KLHDC1: variants seen among roughly 807,000 people sequenced by gnomAD.
KLHDC1 encodes the protein kelch domain-containing protein 1.
A neutral mutation model predicts 68.3 loss-of-function variants in KLHDC1; 53 were observed. The ratio of observed to expected loss-of-function variants is 0.78; its 90% CI spans 0.62 to 0.98. KLHDC1 has a LOEUF of 0.98. Among genes scored for constraint, KLHDC1 ranks in the 50% least tolerant of loss-of-function variants. The pLI is 0.00. For synonymous variants in KLHDC1, 148 were observed against 159.0 expected, an observed-to-expected ratio of 0.93 and a Z score of 0.52; for missense variants, 470 against 492.3, an observed-to-expected ratio of 0.95 and a Z score of 0.43.
chr14:49,729,736 A>G (rs980119936), intron 8 of KLHDC1, among the ~76,000 whole-genome samples, 188 bp downstream of exon 8: 2 of 152,226 alleles, frequency 1.3e-5, no homozygotes, highest in Admixed American at 1.3e-4. Context: ...ACATGAAAAT[A>G]CTAACAGTTG....
intron 1 of KLHDC1, chr14:49,707,649 T>TC (rs1888091657): frequency 6.9e-6 from 1 of 144,742 alleles, no homozygotes; most frequent in Non-Finnish European, 1.5e-5. Flanking sequence ...CCTGGCCCTT[T>TC]TTTTTTTTTT....
At chr14:49,733,073 C>T (rs1357637047) in intron 9 of KLHDC1, among the ~76,000 whole-genome samples, 1 of 152,158 alleles carries the variant, frequency 6.6e-6, no homozygotes, top group African/African-American at 2.4e-5. Context: ...CTACTATATT[C>T]TGTGATTCTG....
chr14:49,747,039 C>T (rs113413054), intron 12 of KLHDC1, among the ~76,000 whole-genome samples: 13,034 of 151,704 alleles, frequency 0.086, 751 homozygotes, highest in Non-Finnish European at 0.13. Context: ...CTCCACCTCC[C>T]GGGTTCACGC....
chr14:49,727,196 G>A (rs1034380444), intron 6 of KLHDC1, among the ~76,000 whole-genome samples: 2 of 151,892 alleles, frequency 1.3e-5, no homozygotes, highest in African/African-American at 2.4e-5. Context: ...TGCAGTGAGC[G>A]GAGATTGCTC....
At chr14:49,722,266 A>G (rs1888546893) in intron 4 of KLHDC1, among the ~76,000 whole-genome samples, 1 of 152,158 alleles carries the variant, frequency 6.6e-6, no homozygotes, top group Non-Finnish European at 1.5e-5. Context: ...TCCTAAGGCT[A>G]TCCCCGACCC....
chr14:49,717,372 T>A (rs1312756891), intron 4 of KLHDC1, among the ~76,000 whole-genome samples: 1 of 152,160 alleles, frequency 6.6e-6, no homozygotes, highest in Non-Finnish European at 1.5e-5. Context: ...CACCTATGCT[T>A]ATTTTGGGTG....
At chr14:49,738,629 T>G (rs1468160032) in intron 10 of KLHDC1, among the ~76,000 whole-genome samples, 2 of 152,222 alleles carry the variant, frequency 1.3e-5, no homozygotes, top group Admixed American at 6.5e-5. Flanking sequence ...ATTACAGGCT[T>G]GAGCCACCGT....
intron 10 of KLHDC1, among the ~76,000 whole-genome samples, chr14:49,738,846 C>T (rs1328106635): frequency 6.6e-6 from 1 of 152,196 alleles, no homozygotes; most frequent in Admixed American, 6.5e-5. Context: ...AATACTCCTA[C>T]CATGGCCAAT....
chr14:49,694,826 C>A (rs1256985017), intron 1 of KLHDC1, among the ~76,000 whole-genome samples: 1 of 152,160 alleles, frequency 6.6e-6, no homozygotes, highest in Non-Finnish European at 1.5e-5. Context: ...TGCATTCCAG[C>A]CTGGGCGACA....
Position 49,729,486 on chromosome 14 carries a change from T to G in KLHDC1, c.652-4T>G, listed in dbSNP as rs1251580409. 6.2e-7 allele frequency: 1 copy of G among 1,605,930 alleles called. No individual in the cohort carries two copies. The highest frequency in any genetic ancestry group is 1.7e-5 in the Admixed American group (1 of 59,920). On this transcript the variant is annotated splice_polypyrimidine_tract_variant and splice_region_variant and intron_variant, in intron 7 of 12. Transcript: ENST00000359332. ...CTGACCAATGTAACACACTTTTCTT[T>G]TAGCAAACTAGGATGAATGATTTGC...
At chr14:49,713,827 TATATATATATATA>T (rs1566602846) in intron 4 of KLHDC1, among the ~76,000 whole-genome samples, 136 of 6,250 alleles carry the variant, frequency 0.022, 18 homozygotes, top group East Asian at 0.075. Flanking sequence ...TATATATATA[TATATATATATATA>T]TATATATATA....
chr14:49,744,121 CAAA>C (rs35140225), intron 12 of KLHDC1, among the ~76,000 whole-genome samples: 1 of 148,306 alleles, frequency 6.7e-6, no homozygotes. Flanking sequence ...CACGACTCTA[CAAA>C]AAAAAAAAAG....
At chr14:49,729,121 C>T in intron 7 of KLHDC1, 112 bp downstream of exon 7, 1 of 707,736 alleles carries the variant, frequency 1.4e-6, no homozygotes, top group Non-Finnish European at 2.5e-6. Flanking sequence ...ATTAAAATGG[C>T]ATTCAATACT....
chr14:49,729,492 A>G lies in KLHDC1; in HGVS notation c.654A>G (p.Gln218=). 6.2e-7 allele frequency: 1 copy of G among 1,608,226 alleles called. No individual in the cohort carries two copies. The highest frequency in any genetic ancestry group is 1.1e-5 in the South Asian group (1 of 90,814). ...AATGTAACACACTTTTCTTTTAGCA[A>G]ACTAGGATGAATGATTTGCACTATC... ...KGYIFGGRVL[Q]TRMNDLHYLN... Residue 218 remains glutamine (Q), a splice_region_variant and synonymous_variant, in exon 8 of 13, where the codon CAA becomes CAG. Transcript: ENST00000359332.
chr14:49,745,313 T>G (rs913020778), intron 12 of KLHDC1, among the ~76,000 whole-genome samples: 1 of 152,140 alleles, frequency 6.6e-6, no homozygotes, highest in Non-Finnish European at 1.5e-5. Context: ...TCAAAAAAAT[T>G]AATGCCTGTG....
intron 1 of KLHDC1, among the ~76,000 whole-genome samples, chr14:49,705,863 GT>G (rs758100467): frequency 1.3e-5 from 2 of 151,942 alleles, no homozygotes; most frequent in Non-Finnish European, 2.9e-5. Context: ...TTTAATTTTT[GT>G]GGGTACATAG....
At chr14:49,743,927 C>A in intron 12 of KLHDC1, 122 bp downstream of exon 12, 1 of 603,952 alleles carries the variant, frequency 1.7e-6, no homozygotes, top group Non-Finnish European at 3.0e-6. Flanking sequence ...AATATGTTCA[C>A]ATCTTCCTAA....
chr14:49,697,696 T>G (rs1887783688), intron 1 of KLHDC1, among the ~76,000 whole-genome samples: 1 of 152,194 alleles, frequency 6.6e-6, no homozygotes, highest in Admixed American at 6.5e-5. Context: ...TTGTTGTTGT[T>G]TTGTGTGTTT....
At position 49,738,107 on chromosome 14, in the gene KLHDC1, A is replaced by T. The variant is rs142166515; in HGVS notation, c.897-1991A>T. ...CAGTGGCATGATCTCGGCTCACTGC[A>T]ACCTCCGCCTCCTGGGTTCAAGCGA... On this transcript the variant is annotated intron_variant, in intron 10 of 12. Coordinates refer to ENST00000359332, the MANE Select transcript of KLHDC1 (RefSeq NM_172193.3). 5.2e-3 allele frequency among the ~76,000 whole-genome samples: 787 copies of T among 152,042 alleles called. 6 individuals carry two copies. The highest frequency in any genetic ancestry group is 0.018 in the African/African-American group (751 of 41,510).
Sources: allele counts gnomAD v4.1 joint callset (sites outside exome capture counted in the v4.1 genomes callset), GRCh38; gene constraint gnomAD v4.1.1; transcripts MANE v1.5; gene names NCBI Gene and HGNC (gene_info 2026-07-23, HGNC 2026-07-21).